The following CNTNAP5 variants were observed in gnomAD, a reference collection of about 807,000 sequenced individuals.
CNTNAP5 encodes the protein contactin-associated protein-like 5.
In CNTNAP5, 72 loss-of-function variants were observed where a neutral mutation model predicts 150.2. The observed-to-expected ratio is 0.48, with a 90% CI of 0.40 to 0.58. The LOEUF is 0.58. CNTNAP5 is among the 20% of genes least tolerant of loss of function. The pLI is 0.00. For missense variants in CNTNAP5, 1,636 were observed against 1,626.2 expected, an observed-to-expected ratio of 1.01 and a Z score of -0.10; for synonymous variants, 672 against 619.8, an observed-to-expected ratio of 1.08 and a Z score of -1.25.
chr2:124,382,593 T>A (rs923822276), intron 3 of CNTNAP5, among the ~76,000 whole-genome samples: 4 of 152,170 alleles, frequency 2.6e-5, no homozygotes, highest in African/African-American at 9.6e-5. Context: ...TTGCATAACA[T>A]CTATGAGATG....
intron 17 of CNTNAP5, among the ~76,000 whole-genome samples, chr2:124,782,024 T>G (rs1027308851): frequency 6.6e-6 from 1 of 152,196 alleles, no homozygotes; most frequent in African/African-American, 2.4e-5. Flanking sequence ...AGCAGTTATA[T>G]ATGTATATAT....
At chr2:124,229,152 C>G (rs1573852498) in intron 2 of CNTNAP5, among the ~76,000 whole-genome samples, 1 of 152,062 alleles carries the variant, frequency 6.6e-6, no homozygotes, top group East Asian at 1.9e-4. Context: ...GCAGAAAAGA[C>G]CAACTCAAAC....
At chr2:124,041,557 T>A (rs1045158789) in intron 1 of CNTNAP5, among the ~76,000 whole-genome samples, 100 of 152,298 alleles carry the variant, frequency 6.6e-4, no homozygotes, top group African/African-American at 2.2e-3. Flanking sequence ...CTTCTTTTTT[T>A]AAAAAGGAAT....
chr2:124,375,817 T>G (rs1276325198), intron 3 of CNTNAP5, among the ~76,000 whole-genome samples: 1 of 152,090 alleles, frequency 6.6e-6, no homozygotes, highest in Admixed American at 6.6e-5. Flanking sequence ...CATTCCAGAT[T>G]AATATGTTAA....
At chr2:124,185,360 T>C (rs1685310151) in intron 1 of CNTNAP5, among the ~76,000 whole-genome samples, 1 of 152,174 alleles carries the variant, frequency 6.6e-6, no homozygotes, top group South Asian at 2.1e-4. Context: ...ATTTTAGCAT[T>C]TTCCAGGACA....
At chr2:124,252,242 G>A (rs952430089) in intron 3 of CNTNAP5, among the ~76,000 whole-genome samples, 1 of 152,158 alleles carries the variant, frequency 6.6e-6, no homozygotes, top group African/African-American at 2.4e-5. Flanking sequence ...CAGCTTGGGC[G>A]GGGCATCCTA....
At chr2:124,343,057 C>T (rs908839868) in intron 3 of CNTNAP5, among the ~76,000 whole-genome samples, 1 of 152,076 alleles carries the variant, frequency 6.6e-6, no homozygotes, top group South Asian at 2.1e-4. Context: ...CTACAAAAAG[C>T]TTTCAGAAAA....
chr2:124,405,558 C>T (rs1412021328), intron 3 of CNTNAP5, among the ~76,000 whole-genome samples: 1 of 152,122 alleles, frequency 6.6e-6, no homozygotes, highest in Non-Finnish European at 1.5e-5. Flanking sequence ...TACTTACGAC[C>T]TCGGATCACT....
intron 21 of CNTNAP5, among the ~76,000 whole-genome samples, chr2:124,899,437 G>A (rs1396153679): frequency 6.6e-6 from 1 of 151,434 alleles, no homozygotes; most frequent in Non-Finnish European, 1.5e-5. Context: ...AATCAAAAGA[G>A]AATCAAGAAC....
At chr2:124,451,399 G>GAACTAAGATATATAA (rs1692979115) in intron 6 of CNTNAP5, among the ~76,000 whole-genome samples, 1 of 151,706 alleles carries the variant, frequency 6.6e-6, no homozygotes, top group Non-Finnish European at 1.5e-5. Context: ...CAGAAACTTG[G>GAACTAAGATATATAA]AACTAAGATA....
intron 1 of CNTNAP5, among the ~76,000 whole-genome samples, chr2:124,216,517 C>G (rs918393023): frequency 1.3e-4 from 19 of 151,996 alleles, no homozygotes; most frequent in Non-Finnish European, 2.5e-4. Flanking sequence ...TTAGGTATAT[C>G]TCCTAATGCT....
intron 1 of CNTNAP5, among the ~76,000 whole-genome samples, chr2:124,171,537 C>T (rs1354040563): frequency 1.3e-5 from 2 of 152,170 alleles, no homozygotes. Context: ...TTGGGGTCAT[C>T]CTGCGAGCTG....
chr2:124,578,091 C>T (rs1268786449), intron 11 of CNTNAP5, among the ~76,000 whole-genome samples: 1 of 149,004 alleles, frequency 6.7e-6, no homozygotes, highest in African/African-American at 2.5e-5. Context: ...GGGTGGATCA[C>T]CTGAGGTCAG....
At chr2:124,036,744 A>G (rs1282179931) in intron 1 of CNTNAP5, among the ~76,000 whole-genome samples, 1 of 152,198 alleles carries the variant, frequency 6.6e-6, no homozygotes. Flanking sequence ...ATTTTACTCT[A>G]TTTGTTACCA....
At chr2:124,309,347 G>T (rs1358114944) in intron 3 of CNTNAP5, among the ~76,000 whole-genome samples, 1 of 152,138 alleles carries the variant, frequency 6.6e-6, no homozygotes, top group Non-Finnish European at 1.5e-5. Context: ...GATTTACAGA[G>T]CCTGACATAT....
intron 21 of CNTNAP5, among the ~76,000 whole-genome samples, chr2:124,902,138 G>C (rs1678425857): frequency 6.6e-6 from 1 of 152,020 alleles, no homozygotes; most frequent in Non-Finnish European, 1.5e-5. Flanking sequence ...ACTCTTTTAA[G>C]AAAAAGAAAT....
chr2:124,640,084 C>T (rs947931806), intron 12 of CNTNAP5, among the ~76,000 whole-genome samples: 2 of 152,084 alleles, frequency 1.3e-5, no homozygotes, highest in African/African-American at 4.8e-5. Flanking sequence ...CAGTCCCTAA[C>T]ATAGTGCTCT....
At chr2:124,913,386 A>T (rs1044270955) in intron 23 of CNTNAP5, among the ~76,000 whole-genome samples, 2 of 152,070 alleles carry the variant, frequency 1.3e-5, no homozygotes, top group African/African-American at 4.8e-5. Context: ...GGTAAGCAAG[A>T]ATAGCTTGCA....
chr2:124,357,937 G>A (rs1690068906), intron 3 of CNTNAP5, among the ~76,000 whole-genome samples: 1 of 150,976 alleles, frequency 6.6e-6, no homozygotes, highest in African/African-American at 2.4e-5. Flanking sequence ...TCCTACCCAT[G>A]AGCATGGAAT....
Sources: gnomAD v4.1 joint callset for allele counts (sites outside exome capture counted in the v4.1 genomes callset) on GRCh38, gnomAD v4.1.1 for gene constraint, MANE v1.5 for transcripts, NCBI Gene and HGNC (gene_info 2026-07-23, HGNC 2026-07-21) for gene names.